MCHR2: variants seen among roughly 807,000 people sequenced by gnomAD.
MCHR2 encodes melanin-concentrating hormone receptor 2.
A neutral mutation model predicts 24.8 loss-of-function variants in MCHR2; 15 were observed. The observed-to-expected ratio is 0.60, with a 90% CI of 0.40 to 0.93. The LOEUF is 0.93. MCHR2 is among the 40% of genes least tolerant of loss of function. The pLI is 0.00. For synonymous variants in MCHR2, 151 were observed against 147.6 expected, an observed-to-expected ratio of 1.02 and a Z score of -0.17; for missense variants, 386 against 408.7, an observed-to-expected ratio of 0.94 and a Z score of 0.48.
In MCHR2 at chr6:99,974,977, G is replaced by T. The variant is rs184424925; in HGVS notation, c.-27-18803C>A. Among the ~76,000 whole-genome samples the T allele has an allele frequency of 5.2e-3, 791 of 152,304 alleles. 8 individuals carry two copies. The highest frequency in any genetic ancestry group is 0.018 in the African/African-American group (749 of 41,556). On this transcript the variant is annotated intron_variant, in intron 1 of 5. Coordinates refer to ENST00000281806, the MANE Select transcript of MCHR2 (RefSeq NM_001040179.2). ...ACCTGGCCATGTGAGGTGTCAGTCT[G>T]CCCCTACTGGGGGGTGCCTCCCAGT... is the stretch of plus-strand genomic sequence containing the variant.
intron 1 of MCHR2, among the ~76,000 whole-genome samples, chr6:99,972,067 T>C (rs1775435062): frequency 6.6e-6 from 1 of 152,236 alleles, no homozygotes. Context: ...AGGATGATGC[T>C]GGCCTCATAA....
At chr6:99,957,458 G>T (rs1304109488) in intron 1 of MCHR2, among the ~76,000 whole-genome samples, 1 of 151,958 alleles carries the variant, frequency 6.6e-6, no homozygotes. Flanking sequence ...TTTGATAATT[G>T]AATCTCCCCT....
rs879727487 is a variant in MCHR2 at position 99,968,606 on chromosome 6, AT to A, written c.-27-12433del. On this transcript the variant is annotated intron_variant, in intron 1 of 5. Coordinates refer to ENST00000281806, the MANE Select transcript of MCHR2 (RefSeq NM_001040179.2). Reference sequence around the variant, plus strand: ...TAAAATTACAGTCATATTGGCTGGGATTTTTTTTTTTACTATCAACCAAAAG... The same window carrying A: ...TAAAATTACAGTCATATTGGCTGGGATTTTTTTTTTACTATCAACCAAAAG... Among the ~76,000 whole-genome samples the A allele has an allele frequency of 3.0e-3, 441 of 148,000 alleles. 1 individual carries two copies. Among genetic ancestry groups the A allele is most frequent in the African/African-American group, 9.4e-3 (382 of 40,624 alleles).
chr6:99,929,648 C>T (rs1180025798), intron 5 of MCHR2, among the ~76,000 whole-genome samples: 1 of 152,048 alleles, frequency 6.6e-6, no homozygotes, highest in African/African-American at 2.4e-5. Context: ...TTATCAGAGA[C>T]TAGGATTGCA....
chr6:99,951,390 T>C (rs1304738911), intron 2 of MCHR2, among the ~76,000 whole-genome samples: 2 of 152,138 alleles, frequency 1.3e-5, no homozygotes, highest in African/African-American at 4.8e-5. Flanking sequence ...AGATGACTGC[T>C]AAGGGTGAGA....
chr6:99,956,692 A>C (rs1035541623), intron 1 of MCHR2, among the ~76,000 whole-genome samples: 1 of 152,120 alleles, frequency 6.6e-6, no homozygotes, highest in African/African-American at 2.4e-5. Context: ...TAGCTCAGCA[A>C]ATTAGAGTTG....
intron 4 of MCHR2, among the ~76,000 whole-genome samples, chr6:99,939,081 G>A (rs1477572301): frequency 6.6e-6 from 1 of 151,932 alleles, no homozygotes; most frequent in Non-Finnish European, 1.5e-5. Flanking sequence ...GTCTTTATAG[G>A]TGAAGTGGGT....
In MCHR2 at chr6:99,955,981, A is replaced by G. The variant is rs763025012; in HGVS notation, c.167T>C (p.Val56Ala). 6 of 1,602,950 alleles carry G rather than the reference A, an allele frequency of 3.7e-6. No homozygotes were observed. The highest frequency in any genetic ancestry group is 5.1e-6 in the Non-Finnish European group (6 of 1,176,078). ...STGLVGNILI[V>A]FTIIRSRKKT... ...CATTCCTTACCTTATTATAGTGAAT[A>G]CAATGAGGATGTTGCCAACCAGCCC... Residue 56 changes from valine (V) to alanine (A), a missense_variant, in exon 2 of 6, where the codon GTA becomes GCA. Val to Ala is a moderately conservative substitution (Grantham distance 64). Coordinates refer to ENST00000281806, the MANE Select transcript of MCHR2 (RefSeq NM_001040179.2).
At chr6:99,971,955 C>T (rs1204581421) in intron 1 of MCHR2, among the ~76,000 whole-genome samples, 20 of 152,238 alleles carry the variant, frequency 1.3e-4, no homozygotes, top group South Asian at 4.2e-4. Flanking sequence ...CTGCTGGATT[C>T]GGTTTGCCAG....
chr6:99,954,627 A>C (rs1211560892), intron 2 of MCHR2, among the ~76,000 whole-genome samples: 9 of 152,108 alleles, frequency 5.9e-5, no homozygotes, highest in Non-Finnish European at 1.2e-4. Flanking sequence ...CCCTGAACAC[A>C]TTATTTTTCA....
intron 4 of MCHR2, among the ~76,000 whole-genome samples, chr6:99,937,988 G>A (rs764127650): frequency 6.6e-6 from 1 of 151,658 alleles, no homozygotes; most frequent in African/African-American, 2.4e-5. Context: ...CAGTTTGTTG[G>A]CTTTTAGTGA....
intron 2 of MCHR2, among the ~76,000 whole-genome samples, chr6:99,948,392 T>G (rs1774912566): frequency 6.6e-6 from 1 of 152,134 alleles, no homozygotes; most frequent in African/African-American, 2.4e-5. Context: ...GTGAGGATAC[T>G]CAAGCAACAC....
intron 4 of MCHR2, among the ~76,000 whole-genome samples, 176 bp downstream of exon 4, chr6:99,942,773 C>G (rs959710057): frequency 5.9e-5 from 9 of 152,102 alleles, no homozygotes; most frequent in Admixed American, 2.0e-4. Flanking sequence ...AAAGGTTACC[C>G]TCTCCTTAAA....
intron 1 of MCHR2, among the ~76,000 whole-genome samples, chr6:99,958,670 C>G (rs1469543410): frequency 6.6e-6 from 1 of 152,128 alleles, no homozygotes; most frequent in Non-Finnish European, 1.5e-5. Context: ...AATCCAGAAA[C>G]CAGTTAAGAA....
chr6:99,975,620 G>C (rs1375358642), intron 1 of MCHR2, among the ~76,000 whole-genome samples: 1 of 152,202 alleles, frequency 6.6e-6, no homozygotes, highest in Non-Finnish European at 1.5e-5. Flanking sequence ...AGATGAACCC[G>C]GTGCCTCAGA....
intron 3 of MCHR2, among the ~76,000 whole-genome samples, chr6:99,947,468 T>C (rs904855453): frequency 6.6e-6 from 1 of 152,206 alleles, no homozygotes; most frequent in African/African-American, 2.4e-5. Flanking sequence ...GAATTCATTC[T>C]GGTTTCTAAT....
Position 99,921,228 on chromosome 6 carries a change from T to C in MCHR2, c.735A>G (p.Arg245=). The C allele has an allele frequency of 6.2e-7, 1 of 1,613,918 alleles. No individual in the cohort carries two copies. The change falls in exon 6 of 6, where the codon AGA becomes AGG. Residue 245 remains arginine (R), a synonymous_variant. Coordinates refer to ENST00000281806, the MANE Select transcript of MCHR2 (RefSeq NM_001040179.2). ...RCCNPSVPKQ[R]VMKLTKMVLV... is the part of the protein sequence containing the mutation. ...GCACCATCTTTGTCAACTTCATCAC[T>C]CTCTGTTTTGGTACACTGGGATTGC...
intron 1 of MCHR2, among the ~76,000 whole-genome samples, chr6:99,993,638 C>T (rs1008425176): frequency 6.6e-6 from 1 of 152,068 alleles, no homozygotes; most frequent in African/African-American, 2.4e-5. Flanking sequence ...CGCTGCTTCC[C>T]GGAAAGCCAC....
chr6:99,929,821 G>C (rs1774470351), intron 5 of MCHR2, among the ~76,000 whole-genome samples: 1 of 150,198 alleles, frequency 6.7e-6, no homozygotes, highest in African/African-American at 2.4e-5. Flanking sequence ...TTTAATTGGA[G>C]CATTTAGTCC....
Sources: allele counts gnomAD v4.1 joint callset (sites outside exome capture counted in the v4.1 genomes callset), GRCh38; gene constraint gnomAD v4.1.1; transcripts MANE v1.5; gene names NCBI Gene and HGNC (gene_info 2026-07-23, HGNC 2026-07-21).